The following TLK2 variants were observed in gnomAD, a reference collection of about 807,000 sequenced individuals.
The protein encoded by TLK2 is serine/threonine-protein kinase tousled-like 2.
In TLK2, 6 loss-of-function variants were observed where a neutral mutation model predicts 117.3. The observed-to-expected ratio is 0.05, with a 90% CI of 0.03 to 0.10. The LOEUF is 0.10. Ranked by LOEUF, TLK2 falls within the 10% of genes least tolerant of loss-of-function variation. The pLI is 1.00. For synonymous variants in TLK2, 257 were observed against 316.7 expected (o/e 0.81, Z 2.00); for missense variants, 299 against 901.2 (o/e 0.33, Z 8.56).
At position 62,536,184 on chromosome 17, in the gene TLK2, G is replaced by T. The variant is rs780397228; in HGVS notation, c.378G>T (p.Gln126His). 4 of 1,611,178 alleles carry T rather than the reference G, an allele frequency of 2.5e-6. No individual in the cohort carries two copies. The East Asian group carries it at 6.7e-5, about 27-fold the overall frequency. The change falls in exon 7 of 22, where the codon CAG becomes CAT. Residue 126 changes from glutamine (Q) to histidine (H), a missense_variant. This residue lies in a region of TLK2 where 105 missense variants were observed against 218.4 expected (regional missense o/e 0.48). Transcript: ENST00000346027. ...CTGTTTTCCAGCGACGAGTAGAACAGCCCCTCTATGGTTTAGATGGCAGTG... is the reference window on the plus strand; with the variant it reads ...CTGTTTTCCAGCGACGAGTAGAACATCCCCTCTATGGTTTAGATGGCAGTG... ...LSNPLPRRVE[Q>H]PLYGLDGSAA...
intron 2 of TLK2, among the ~76,000 whole-genome samples, chr17:62,520,492 C>T (rs551247049): frequency 3.3e-4 from 50 of 151,996 alleles, no homozygotes; most frequent in African/African-American, 1.2e-3. Flanking sequence ...GCCTGGCCAA[C>T]ATGGTGAAAC....
At chr17:62,496,282 T>G (rs1274263283) in intron 2 of TLK2, among the ~76,000 whole-genome samples, 1 of 152,198 alleles carries the variant, frequency 6.6e-6, no homozygotes, top group Non-Finnish European at 1.5e-5. Flanking sequence ...GGCTGCTTTG[T>G]ATTTCATTGT....
At chr17:62,491,786 G>A (rs1424328566) in intron 2 of TLK2, among the ~76,000 whole-genome samples, 4 of 152,178 alleles carry the variant, frequency 2.6e-5, no homozygotes, top group Non-Finnish European at 5.9e-5. Context: ...GGGTTTCACC[G>A]TGTTGGCCAG....
intron 12 of TLK2, chr17:62,574,426 G>T (rs1217437045): frequency 9.2e-7 from 1 of 1,089,694 alleles, no homozygotes; most frequent in Non-Finnish European, 1.4e-6. Flanking sequence ...ATGAACAGAC[G>T]AATAAACTAA....
intron 2 of TLK2, among the ~76,000 whole-genome samples, chr17:62,514,511 A>G (rs1001393659): frequency 6.6e-6 from 1 of 152,042 alleles, no homozygotes; most frequent in African/African-American, 2.4e-5. Context: ...TTTTAAAAAC[A>G]ATACAGTTTC....
chr17:62,497,652 T>G (rs572133399), intron 2 of TLK2, among the ~76,000 whole-genome samples: 1 of 152,288 alleles, frequency 6.6e-6, no homozygotes, highest in South Asian at 2.1e-4. Flanking sequence ...CTATTAGGAG[T>G]TGATAGAAGT....
chr17:62,573,375 CT>C lies in TLK2; in HGVS notation c.1121+11del. ...TGGAGCTGAAAATGAAACGTATGTT[CT>C]TTATTGACGTGAACGCTGAGACACC... On this transcript the variant is annotated intron_variant, in intron 12 of 21. Transcript: ENST00000346027. The C allele has an allele frequency of 6.2e-7, 1 of 1,613,814 alleles. No homozygotes were observed. Among genetic ancestry groups the C allele is most frequent in the Non-Finnish European group, 8.5e-7 (1 of 1,179,870 alleles).
intron 2 of TLK2, among the ~76,000 whole-genome samples, chr17:62,493,269 G>A (rs1316566319): frequency 2.0e-5 from 3 of 152,232 alleles, no homozygotes; most frequent in East Asian, 1.9e-4. Context: ...TAGTATCTTC[G>A]AAGTTTATCT....
chr17:62,538,717 A>T (rs1417944312), intron 7 of TLK2, among the ~76,000 whole-genome samples: 1 of 152,226 alleles, frequency 6.6e-6, no homozygotes, highest in East Asian at 1.9e-4. Flanking sequence ...TAACAAAATG[A>T]TCATGTATGA....
chr17:62,475,718 G>A (rs1261068932), upstream of TLK2, among the ~76,000 whole-genome samples: 1 of 151,646 alleles, frequency 6.6e-6, no homozygotes, highest in African/African-American at 2.4e-5. Flanking sequence ...GGAGTGCAGT[G>A]GTGTGATCTC....
intron 19 of TLK2, among the ~76,000 whole-genome samples, chr17:62,605,074 T>C (rs1186367149): frequency 6.6e-6 from 1 of 151,926 alleles, no homozygotes; most frequent in Non-Finnish European, 1.5e-5. Flanking sequence ...ATGCCTGTAA[T>C]CCCAGCACTT....
chr17:62,484,401 A>G (rs2072081607), intron 2 of TLK2, among the ~76,000 whole-genome samples: 1 of 151,930 alleles, frequency 6.6e-6, no homozygotes, highest in Non-Finnish European at 1.5e-5. Flanking sequence ...GGTTCAAGCA[A>G]TTCTCGTGCC....
At chr17:62,492,406 C>T (rs186424776) in intron 2 of TLK2, among the ~76,000 whole-genome samples, 4 of 151,820 alleles carry the variant, frequency 2.6e-5, no homozygotes, top group African/African-American at 7.2e-5. Flanking sequence ...AGGATGGTGT[C>T]TGTTTTCTAG....
chr17:62,536,101 C>G, intron 6 of TLK2, 69 bp from the exon 7 acceptor site: 5 of 1,527,450 alleles, frequency 3.3e-6, no homozygotes, highest in Non-Finnish European at 4.4e-6. Context: ...GTTTTTAACC[C>G]GTTGCATGTT....
upstream of TLK2, among the ~76,000 whole-genome samples, chr17:62,474,777 C>T (rs533911134): frequency 1.3e-5 from 2 of 151,966 alleles, no homozygotes; most frequent in South Asian, 2.1e-4. Context: ...TCCACTGCCT[C>T]GGCCTCCCAA....
chr17:62,518,449 ATC>A (rs2075788813), intron 2 of TLK2, among the ~76,000 whole-genome samples: 1 of 152,180 alleles, frequency 6.6e-6, no homozygotes, highest in East Asian at 1.9e-4. Context: ...CATGGCTATA[ATC>A]TCAGCACTTT....
intron 1 of TLK2, among the ~76,000 whole-genome samples, chr17:62,473,405 C>T (rs2070979009): frequency 6.6e-6 from 1 of 152,194 alleles, no homozygotes. Flanking sequence ...GACCCACACA[C>T]CAATCACTAA....
At position 62,573,209 on chromosome 17, in the gene TLK2, C is replaced by A. The variant is rs757661500; in HGVS notation, c.969-6C>A. The A allele has an allele frequency of 9.9e-6, 16 of 1,610,808 alleles. No homozygotes were observed. In the East Asian group the frequency reaches 2.0e-4, roughly 20 times the overall value. On this transcript the variant is annotated splice_polypyrimidine_tract_variant and splice_region_variant and intron_variant, in intron 11 of 21. Transcript: ENST00000346027. The stretch of plus-strand genomic sequence containing the variant: ...TTTCTTTGTACAACGTCTTTTATAT[C>A]TCTAGGCAACAGGAAAGGATAAATT...
At chr17:62,496,140 A>T (rs1446645682) in intron 2 of TLK2, among the ~76,000 whole-genome samples, 1 of 152,206 alleles carries the variant, frequency 6.6e-6, no homozygotes, top group African/African-American at 2.4e-5. Context: ...ACTTATGTAT[A>T]TTCAACCCTT....
Sources: gnomAD v4.1 joint callset for allele counts (sites outside exome capture counted in the v4.1 genomes callset) on GRCh38, gnomAD v4.1.1 for gene constraint, gnomAD v4.1.1 regional missense constraint, MANE v1.5 for transcripts, NCBI Gene and HGNC (gene_info 2026-07-23, HGNC 2026-07-21) for gene names.